COX6C: variants seen among roughly 807,000 people sequenced by gnomAD.
The protein encoded by COX6C is cytochrome c oxidase subunit 6C, also known as cytochrome c oxidase polypeptide VIc.
Under a neutral mutation model 6.9 loss-of-function variants are expected in COX6C, and 3 were observed. The observed-to-expected ratio is 0.43, with a 90% CI of 0.20 to 1.12. The LOEUF is 1.12. COX6C is among the 50% of genes most tolerant of loss of function. The pLI, the probability that COX6C is intolerant of heterozygous loss-of-function variation, is 0.27. For missense variants in COX6C, 101 were observed against 97.3 expected (o/e 1.04, Z -0.16); for synonymous variants, 32 against 32.0 (o/e 1.00, Z 0.00).
At chr8:99,884,117 G>A (rs1039069039) in intron 3 of COX6C, among the ~76,000 whole-genome samples, 1 of 152,132 alleles carries the variant, frequency 6.6e-6, no homozygotes, top group Non-Finnish European at 1.5e-5. Flanking sequence ...TCTATTCATT[G>A]TAGTACTGGA....
At position 99,892,014 on chromosome 8, in the gene COX6C, G is replaced by A; in HGVS notation, c.8C>T (p.Pro3Leu). The change falls in exon 2 of 4, where the codon CCC (proline) becomes CTC (leucine). Residue 3 changes from proline to leucine, a missense_variant. Coordinates refer to ENST00000520468, the MANE Select transcript of COX6C (RefSeq NM_004374.4). ...CATCCGAGGTTTTGGCAAAACTTCG[G>A]GAGCCATGGTAGTTACTGTCCTTGA... MA[P>L]EVLPKPRMRG... The A allele has an allele frequency of 1.2e-6, 2 of 1,612,178 alleles. No individual in the cohort carries two copies. Among genetic ancestry groups the A allele is most frequent in the Admixed American group, 1.7e-5 (1 of 59,600 alleles).
chr8:99,892,751 AGCAAAGG>A (rs1212451253), intron 1 of COX6C, among the ~76,000 whole-genome samples: 1 of 151,986 alleles, frequency 6.6e-6, no homozygotes, highest in African/African-American at 2.4e-5. Flanking sequence ...GTAATGGACG[AGCAAAGG>A]CAACAAAAAT....
At chr8:99,887,744 C>A in intron 2 of COX6C, 126 bp from the exon 3 acceptor site, 1 of 577,420 alleles carries the variant, frequency 1.7e-6, no homozygotes, top group Admixed American at 3.8e-5. Flanking sequence ...CCCTACATTT[C>A]CTAAGGGGTG....
At chr8:99,886,882 A>G (rs1052941706) in intron 3 of COX6C, among the ~76,000 whole-genome samples, 1 of 152,210 alleles carries the variant, frequency 6.6e-6, no homozygotes, top group African/African-American at 2.4e-5. Flanking sequence ...TAGGGTTTCA[A>G]TTCTGTAAGA....
intron 2 of COX6C, among the ~76,000 whole-genome samples, chr8:99,890,674 T>C (rs1818019893): frequency 6.6e-6 from 1 of 152,214 alleles, no homozygotes; most frequent in African/African-American, 2.4e-5. Context: ...CAAAGAGTTA[T>C]AAAAGCAAAG....
At chr8:99,886,568 T>C (rs1817945443) in intron 3 of COX6C, among the ~76,000 whole-genome samples, 1 of 152,066 alleles carries the variant, frequency 6.6e-6, no homozygotes, top group Non-Finnish European at 1.5e-5. Context: ...CATGCCTAGG[T>C]TCACAGCATC....
chr8:99,878,509 C>T (rs1046200695), intron 3 of COX6C: 2 of 152,348 alleles, frequency 1.3e-5, no homozygotes, highest in African/African-American at 4.8e-5. Context: ...ACACCTTACT[C>T]TCATTGCTTG....
At chr8:99,878,441 A>ACGCTC (rs1817786789) in intron 3 of COX6C, 176 bp from the exon 4 acceptor site, 1 of 152,170 alleles carries the variant, frequency 6.6e-6, no homozygotes, top group East Asian at 1.9e-4. Flanking sequence ...ACTCTCCTTT[A>ACGCTC]CGCTCCTCTA....
chr8:99,887,495 T>C lies in COX6C; in HGVS notation c.*10A>G, dbSNP rs985849372. ...ACTTCAAATAACCATATTACCTTTATATTCCAAGATTACTTTACACTCTGA... is the reference window on the plus strand; with the variant it reads ...ACTTCAAATAACCATATTACCTTTACATTCCAAGATTACTTTACACTCTGA... On this transcript the variant is annotated 3_prime_UTR_variant, in exon 3 of 4. Transcript: ENST00000520468. 1 of 1,557,112 alleles carries C rather than the reference T, an allele frequency of 6.4e-7. No homozygotes were observed. Among genetic ancestry groups the C allele is most frequent in the Non-Finnish European group, 8.7e-7 (1 of 1,152,070 alleles).
At chr8:99,885,910 C>T (rs947510902) in intron 3 of COX6C, 2 of 152,100 alleles carry the variant, frequency 1.3e-5, no homozygotes, top group African/African-American at 4.8e-5. Context: ...TACAGAACAA[C>T]TCAACCAATA....
At chr8:99,890,818 C>A (rs1382675167) in intron 2 of COX6C, among the ~76,000 whole-genome samples, 1 of 152,224 alleles carries the variant, frequency 6.6e-6, no homozygotes, top group Non-Finnish European at 1.5e-5. Context: ...CCACATTAGG[C>A]AGAGTGTTAA....
At chr8:99,893,035 A>G (rs1818079308) in intron 1 of COX6C, 2 of 152,108 alleles carry the variant, frequency 1.3e-5, no homozygotes, top group South Asian at 4.2e-4. Flanking sequence ...GGGGCCTAAA[A>G]ACTTTTGCGT....
At chr8:99,891,860 A>G in intron 2 of COX6C, 48 bp downstream of exon 2, 1 of 1,565,662 alleles carries the variant, frequency 6.4e-7, no homozygotes, top group Non-Finnish European at 8.8e-7. Flanking sequence ...TTTTCAACCA[A>G]AAACACATAC....
chr8:99,887,546 C>T lies in COX6C; in HGVS notation c.187G>A (p.Glu63Lys). 6.2e-7 allele frequency: 1 copy of T among 1,610,252 alleles called. No homozygotes were observed. Among genetic ancestry groups the T allele is most frequent in the South Asian group, 1.1e-5 (1 of 90,230 alleles). The stretch of plus-strand genomic sequence containing the variant: ...AAGATACCAGCCTTCCTCATCTCCT[C>T]AAAATCTTTCATGACATCGTAGTTT... ...YRNYDVMKDF[E>K]EMRKAGIFQS... The change falls in exon 3 of 4, where the codon GAG (glutamate) becomes AAG (lysine). Residue 63 changes from glutamate (E) to lysine (K), a missense_variant. Glu to Lys is a moderately conservative substitution (Grantham distance 56). Transcript: ENST00000520468.
intron 2 of COX6C, among the ~76,000 whole-genome samples, chr8:99,889,673 C>CCA (rs1818004461): frequency 6.6e-6 from 1 of 151,868 alleles, no homozygotes; most frequent in Admixed American, 6.6e-5. Flanking sequence ...CTGGCATGAG[C>CCA]CACTGTACCT....
At chr8:99,890,573 C>A (rs939294482) in intron 2 of COX6C, among the ~76,000 whole-genome samples, 4 of 152,166 alleles carry the variant, frequency 2.6e-5, no homozygotes, top group Non-Finnish European at 2.9e-5. Flanking sequence ...CACCCAACAA[C>A]AGGGTGCCAC....
intron 2 of COX6C, among the ~76,000 whole-genome samples, chr8:99,890,427 T>C (rs1439937210): frequency 6.6e-6 from 1 of 152,270 alleles, no homozygotes; most frequent in Non-Finnish European, 1.5e-5. Context: ...CTAAGTTCTT[T>C]AAGAACAGAG....
Position 99,892,012 on chromosome 8 carries a change from C to T in COX6C, c.10G>A (p.Glu4Lys), listed in dbSNP as rs748343632. The change falls in exon 2 of 4, where the codon GAA (glutamate) becomes AAA (lysine). Residue 4 changes from glutamate (E) to lysine (K), a missense_variant. Physicochemically the swap from Glu to Lys is moderately conservative, Grantham distance 56. Coordinates refer to ENST00000520468, the MANE Select transcript of COX6C (RefSeq NM_004374.4). The stretch of plus-strand genomic sequence containing the variant: ...CGCATCCGAGGTTTTGGCAAAACTT[C>T]GGGAGCCATGGTAGTTACTGTCCTT... MAPEVLPKPRMRGL... is the reference protein window; with the variant it reads MAPKVLPKPRMRGL... The T allele has an allele frequency of 1.2e-6, 2 of 1,612,006 alleles. No homozygotes were observed. Among genetic ancestry groups the T allele is most frequent in the Non-Finnish European group, 8.5e-7 (1 of 1,179,468 alleles).
intron 3 of COX6C, chr8:99,878,520 T>C (rs1217223052): frequency 6.6e-6 from 1 of 152,234 alleles, no homozygotes; most frequent in Non-Finnish European, 1.5e-5. Context: ...TCATTGCTTG[T>C]GTGCATTGAA....
Sources: allele counts gnomAD v4.1 joint callset (sites outside exome capture counted in the v4.1 genomes callset), GRCh38; gene constraint gnomAD v4.1.1; transcripts MANE v1.5; gene names NCBI Gene and HGNC (gene_info 2026-07-23, HGNC 2026-07-21).